PLD5: variants seen among roughly 807,000 people sequenced by gnomAD.
PLD5 encodes phospholipase D family member 5, also known as inactive phospholipase D5.
Under a neutral mutation model 61.1 loss-of-function variants are expected in PLD5, and 36 were observed. That is an observed-to-expected ratio of 0.59 (90% CI 0.45 to 0.78). The LOEUF (loss-of-function observed/expected upper bound fraction) is 0.78. PLD5 is among the 30% of genes least tolerant of loss of function. PLD5 has a pLI of 0.00. For synonymous variants in PLD5, 243 were observed against 242.8 expected (o/e 1.00, Z -0.01); for missense variants, 515 against 644.4 (o/e 0.80, Z 2.17).
chr1:242,224,151 G>A (rs1670781411), intron 4 of PLD5, among the ~76,000 whole-genome samples: 1 of 152,106 alleles, frequency 6.6e-6, no homozygotes, highest in Admixed American at 6.6e-5. Flanking sequence ...TGTTGTGTTA[G>A]AATTGCAATT....
chr1:242,282,861 C>A (rs1317480067), intron 3 of PLD5, among the ~76,000 whole-genome samples: 4 of 152,146 alleles, frequency 2.6e-5, no homozygotes, highest in African/African-American at 2.4e-5. Context: ...AAACAAAAAC[C>A]TTTTGCCCGA....
chr1:242,227,845 A>G (rs554646585), intron 4 of PLD5, among the ~76,000 whole-genome samples: 1 of 152,310 alleles, frequency 6.6e-6, no homozygotes, highest in African/African-American at 2.4e-5. Flanking sequence ...TCCCAGACTC[A>G]TATTTTGATT....
intron 1 of PLD5, among the ~76,000 whole-genome samples, chr1:242,354,896 T>G (rs1055641191): frequency 1.3e-5 from 2 of 152,142 alleles, no homozygotes; most frequent in Non-Finnish European, 2.9e-5. Context: ...ATATGACTTA[T>G]TTTTTCTGTC....
At chr1:242,404,550 T>G (rs1664119196) in intron 1 of PLD5, among the ~76,000 whole-genome samples, 1 of 152,174 alleles carries the variant, frequency 6.6e-6, no homozygotes, top group Non-Finnish European at 1.5e-5. Flanking sequence ...TTGGCATTTC[T>G]GATCATCCTC....
chr1:242,305,679 C>T (rs1411637010), intron 2 of PLD5, among the ~76,000 whole-genome samples: 1 of 152,196 alleles, frequency 6.6e-6, no homozygotes, highest in Non-Finnish European at 1.5e-5. Flanking sequence ...TCTGCCTCAG[C>T]CTCCTGTAGC....
intron 1 of PLD5, among the ~76,000 whole-genome samples, chr1:242,433,251 G>A (rs1665816510): frequency 2.0e-5 from 3 of 152,084 alleles, no homozygotes; most frequent in South Asian, 2.1e-4. Context: ...TTGTTTTGGG[G>A]GAAGATGTTC....
intron 2 of PLD5, among the ~76,000 whole-genome samples, chr1:242,322,400 C>T (rs1486398975): frequency 2.0e-5 from 3 of 152,216 alleles, no homozygotes; most frequent in African/African-American, 4.8e-5. Context: ...TGTCTGAATA[C>T]CCGATTTAAA....
At chr1:242,415,676 C>T (rs1246370850) in intron 1 of PLD5, among the ~76,000 whole-genome samples, 1 of 151,866 alleles carries the variant, frequency 6.6e-6, no homozygotes, top group Non-Finnish European at 1.5e-5. Context: ...CCACGCCCGG[C>T]CAAATTTTTT....
chr1:242,115,725 A>G (rs1260580837), intron 6 of PLD5, among the ~76,000 whole-genome samples: 1 of 151,762 alleles, frequency 6.6e-6, no homozygotes, highest in East Asian at 1.9e-4. Flanking sequence ...AGAAGTGTTG[A>G]TTGTTGAGAA....
At chr1:242,428,140 G>C (rs1665531528) in intron 1 of PLD5, among the ~76,000 whole-genome samples, 7 of 152,146 alleles carry the variant, frequency 4.6e-5, no homozygotes, top group Non-Finnish European at 2.9e-5. Flanking sequence ...CAGACTGTTA[G>C]GGAAAAGTAG....
chr1:242,433,649 G>C (rs953602715), intron 1 of PLD5, among the ~76,000 whole-genome samples: 3 of 152,208 alleles, frequency 2.0e-5, no homozygotes, highest in Non-Finnish European at 2.9e-5. Flanking sequence ...CTAATGCTTA[G>C]TAGAGGGGAT....
intron 1 of PLD5, among the ~76,000 whole-genome samples, chr1:242,358,211 C>G (rs1207098393): frequency 2.0e-5 from 3 of 152,102 alleles, no homozygotes; most frequent in Non-Finnish European, 2.9e-5. Flanking sequence ...GAGGATTATT[C>G]TAAATTTTTT....
At chr1:242,189,848 A>AG (rs1668136397) in intron 5 of PLD5, among the ~76,000 whole-genome samples, 1 of 152,158 alleles carries the variant, frequency 6.6e-6, no homozygotes. Context: ...GGCCCCAAGA[A>AG]GGGGGGCAAG....
intron 4 of PLD5, among the ~76,000 whole-genome samples, chr1:242,238,481 C>A (rs1030989177): frequency 1.3e-5 from 2 of 152,156 alleles, no homozygotes; most frequent in Non-Finnish European, 2.9e-5. Flanking sequence ...TAGAGAGTGA[C>A]AAACACACCT....
chr1:242,124,739 A>G (rs1172465859), intron 5 of PLD5, 74 bp from the exon 6 acceptor site: 1 of 1,254,110 alleles, frequency 8.0e-7, no homozygotes, highest in East Asian at 2.5e-5. Context: ...AAAGGAATGC[A>G]TAAGAATGAG....
chr1:242,287,450 C>T (rs907051842), intron 3 of PLD5, among the ~76,000 whole-genome samples: 6 of 152,108 alleles, frequency 3.9e-5, no homozygotes, highest in Non-Finnish European at 2.9e-5. Flanking sequence ...TCATTCCATT[C>T]TTCTTTAGTT....
chr1:242,293,577 G>A (rs1675490141), intron 2 of PLD5, among the ~76,000 whole-genome samples: 1 of 152,182 alleles, frequency 6.6e-6, no homozygotes, highest in Non-Finnish European at 1.5e-5. Flanking sequence ...AGTATCCAAT[G>A]CTTCCCACGC....
chr1:242,228,449 G>A (rs1428170228), intron 4 of PLD5, among the ~76,000 whole-genome samples: 1 of 152,136 alleles, frequency 6.6e-6, no homozygotes, highest in African/African-American at 2.4e-5. Flanking sequence ...TCTCTATTTG[G>A]TCACAGCTGA....
intron 5 of PLD5, among the ~76,000 whole-genome samples, chr1:242,138,232 A>C (rs1663894345): frequency 6.6e-6 from 1 of 152,224 alleles, no homozygotes; most frequent in African/African-American, 2.4e-5. Flanking sequence ...AAGCAGGATA[A>C]ACAATGAGCA....
Sources: gnomAD v4.1 joint callset for allele counts (sites outside exome capture counted in the v4.1 genomes callset) on GRCh38, gnomAD v4.1.1 for gene constraint, MANE v1.5 for transcripts, NCBI Gene and HGNC (gene_info 2026-07-23, HGNC 2026-07-21) for gene names.